The following NUP133 variants were observed in gnomAD, a reference collection of about 807,000 sequenced individuals.
NUP133 encodes the protein nuclear pore complex protein Nup133.
NUP133 carries 66 observed loss-of-function variants against 146.2 expected under a neutral mutation model. The ratio of observed to expected loss-of-function variants is 0.45; its 90% confidence interval spans 0.37 to 0.55. NUP133 has a LOEUF of 0.55. NUP133 is among the 20% of genes least tolerant of loss of function. The pLI is 0.00. For synonymous variants in NUP133, 521 were observed against 498.8 expected (o/e 1.04, Z -0.59); for missense variants, 1,277 against 1,374.8 (o/e 0.93, Z 1.12).
At chr1:229,479,745 C>T (rs1012833859) in intron 12 of NUP133, among the ~76,000 whole-genome samples, 9 of 152,022 alleles carry the variant, frequency 5.9e-5, no homozygotes, top group African/African-American at 1.9e-4. Flanking sequence ...CATAATGGCC[C>T]GGGTCATGGT....
intron 18 of NUP133, 22 bp from the exon 19 acceptor site, chr1:229,463,698 G>C (rs1317698033): frequency 7.7e-6 from 12 of 1,565,340 alleles, no homozygotes. Context: ...AGAAAAGATG[G>C]GAAAAAATCC....
chr1:229,470,503 C>T (rs1262270200), intron 15 of NUP133, 77 bp downstream of exon 15: 5 of 1,196,388 alleles, frequency 4.2e-6, no homozygotes, highest in Non-Finnish European at 6.2e-6. Flanking sequence ...AACTCGTCCT[C>T]ACCGTCTTTC....
intron 10 of NUP133, 35 bp downstream of exon 10, chr1:229,487,431 C>T: frequency 1.9e-6 from 3 of 1,595,118 alleles, no homozygotes; most frequent in South Asian, 2.3e-5. Context: ...GACTAATGAG[C>T]TCACCAATCA....
At chr1:229,443,611 T>G (rs1384596860) in intron 25 of NUP133, among the ~76,000 whole-genome samples, 1 of 152,138 alleles carries the variant, frequency 6.6e-6, no homozygotes, top group Non-Finnish European at 1.5e-5. Context: ...AAAAACACTA[T>G]TGTACATGAA....
intron 2 of NUP133, among the ~76,000 whole-genome samples, chr1:229,502,776 A>G (rs1661837181): frequency 6.7e-6 from 1 of 150,216 alleles, no homozygotes; most frequent in South Asian, 2.1e-4. Context: ...AGCCTGGGCA[A>G]CATAGTGAGA....
At chr1:229,449,851 T>TATATATATATATATATATATATA (rs1660401047) in intron 23 of NUP133, among the ~76,000 whole-genome samples, 2 of 67,650 alleles carry the variant, frequency 3.0e-5, no homozygotes, top group African/African-American at 1.4e-4. Context: ...TATGAAGATT[T>TATATATATATATATATATATATA]TATATATATA....
chr1:229,459,996 C>T (rs780977093), intron 20 of NUP133, among the ~76,000 whole-genome samples: 2 of 152,116 alleles, frequency 1.3e-5, no homozygotes, highest in Non-Finnish European at 2.9e-5. Context: ...ATCAGGGTTC[C>T]CTTTTCTCCA....
At chr1:229,473,191 G>T (rs1660998628) in intron 14 of NUP133, among the ~76,000 whole-genome samples, 1 of 151,824 alleles carries the variant, frequency 6.6e-6, no homozygotes, top group African/African-American at 2.4e-5. Context: ...GGTCAAGCCT[G>T]CAGTGAGCTG....
chr1:229,443,715 C>T (rs1268303124), intron 25 of NUP133, among the ~76,000 whole-genome samples: 1 of 148,462 alleles, frequency 6.7e-6, no homozygotes, highest in African/African-American at 2.5e-5. Flanking sequence ...AATACACACA[C>T]ATATATAATT....
chr1:229,501,945 G>A, intron 3 of NUP133, 54 bp downstream of exon 3: 1 of 1,299,654 alleles, frequency 7.7e-7, no homozygotes, highest in South Asian at 1.2e-5. Flanking sequence ...AAAATGAAAA[G>A]TCAATTGGCA....
At chr1:229,447,072 CG>C (rs1359523123) in intron 24 of NUP133, among the ~76,000 whole-genome samples, 1 of 151,920 alleles carries the variant, frequency 6.6e-6, no homozygotes, top group Non-Finnish European at 1.5e-5. Flanking sequence ...TGTGGTGAGC[CG>C]AGACTGTGCC....
At position 229,456,127 on chromosome 1, in the gene NUP133, G is replaced by A. The variant is rs1380604717; in HGVS notation, c.2980+2034C>T. ...TAATTAGAATAAGGGTGAACATTTT[G>A]GCAAGAACAGGACACACGTGATGGT... On this transcript the variant is annotated intron_variant, in intron 21 of 25. Coordinates refer to ENST00000261396, the MANE Select transcript of NUP133 (RefSeq NM_018230.3). Among the ~76,000 whole-genome samples, 3 of 152,144 alleles carry A rather than the reference G, an allele frequency of 2.0e-5. No homozygotes were observed. The East Asian group carries it at 5.8e-4, about 29-fold the overall frequency.
Position 229,442,016 on chromosome 1 carries a change from G to A in NUP133, c.3359C>T (p.Pro1120Leu), listed in dbSNP as rs763031414. The A allele has an allele frequency of 1.0e-5, 16 of 1,574,638 alleles. No homozygotes were observed. Among genetic ancestry groups the A allele is most frequent in the African/African-American group, 1.4e-5 (1 of 72,074 alleles). The change falls in exon 26 of 26, where the codon CCG becomes CTG. Residue 1120 changes from proline to leucine, a missense_variant. Transcript: ENST00000261396. The part of the protein sequence containing the change: ...KDGIQLSEYL[P>L]EVKDLLQADQ... The stretch of plus-strand genomic sequence containing the variant: ...CGCTTGTAGCAGGTCTTTCACCTCC[G>A]GTAAGTACTCACTGAGCTGAATGCC...
At chr1:229,500,733 A>T in intron 4 of NUP133, 23 bp downstream of exon 4, 1 of 1,455,202 alleles carries the variant, frequency 6.9e-7, no homozygotes, top group Non-Finnish European at 9.5e-7. Context: ...AAGTTTATTT[A>T]AATAAGCTTT....
intron 11 of NUP133, 77 bp downstream of exon 11, chr1:229,486,294 C>A (rs1661343896): frequency 1.5e-6 from 2 of 1,340,166 alleles, no homozygotes; most frequent in Admixed American, 2.7e-5. Flanking sequence ...TGCACTCTAG[C>A]CTGGGTGACA....
chr1:229,451,415 T>C (rs1660447274), intron 22 of NUP133, among the ~76,000 whole-genome samples: 1 of 151,782 alleles, frequency 6.6e-6, no homozygotes, highest in African/African-American at 2.4e-5. Flanking sequence ...TAAAAAAAAA[T>C]TGAGACCTAC....
In NUP133 at chr1:229,441,067, TGA is replaced by T. The variant is rs1660172304; in HGVS notation, c.*835_*836del. ...GATGACACTGGTCAGGACAAAGCTC[TGA>T]GAGTACAGTACCTTTCAGTCACATC... On this transcript the variant is annotated 3_prime_UTR_variant, in exon 26 of 26. Transcript: ENST00000261396. 4.8e-6 allele frequency: 1 copy of T among 207,564 alleles called. No homozygotes were observed. The highest frequency in any genetic ancestry group is 2.3e-5 in the African/African-American group (1 of 43,354). 12.9% of individuals were successfully genotyped at this position (207,564 alleles called of 1,614,324 possible). A position where few individuals can be genotyped will look rare whatever the true frequency, so the allele number is the denominator to read the frequency against.
chr1:229,489,901 T>C, intron 9 of NUP133, 54 bp downstream of exon 9: 4 of 1,437,504 alleles, frequency 2.8e-6, no homozygotes, highest in Non-Finnish European at 3.7e-6. Flanking sequence ...CTGAAATGGT[T>C]AGAAAAATAC....
At chr1:229,477,462 G>C in intron 13 of NUP133, 135 bp downstream of exon 13, 1 of 652,036 alleles carries the variant, frequency 1.5e-6, no homozygotes, top group East Asian at 3.2e-5. Flanking sequence ...AAAAAGGAAG[G>C]TCACAATATT....
Sources: gnomAD v4.1 joint callset for allele counts (sites outside exome capture counted in the v4.1 genomes callset) on GRCh38, gnomAD v4.1.1 for gene constraint, MANE v1.5 for transcripts, NCBI Gene and HGNC (gene_info 2026-07-23, HGNC 2026-07-21) for gene names.